Variants in FAM135A observed in about 807,000 individuals in gnomAD.
The protein encoded by FAM135A is family with sequence similarity 135 member A, also known as protein FAM135A.
In FAM135A, 79 loss-of-function variants were observed where a neutral mutation model predicts 146.8. The observed-to-expected ratio is 0.54, with a 90% CI of 0.45 to 0.65. FAM135A has a LOEUF of 0.65. Among genes scored for constraint, FAM135A ranks in the 30% least tolerant of loss-of-function variants. The pLI, the probability that FAM135A is intolerant of heterozygous loss-of-function variation, is 0.00. For missense variants in FAM135A, 1,623 were observed against 1,758.2 expected, an observed-to-expected ratio of 0.92 and a Z score of 1.38; for synonymous variants, 562 against 603.6, an observed-to-expected ratio of 0.93 and a Z score of 1.01.
At chr6:70,528,702 AT>A (rs11398068) in intron 16 of FAM135A, among the ~76,000 whole-genome samples, 1 of 150,250 alleles carries the variant, frequency 6.7e-6, no homozygotes. Flanking sequence ...TTAATTTGGG[AT>A]TTTTTTTTTC....
chr6:70,496,090 A>G (rs140631522), intron 11 of FAM135A, among the ~76,000 whole-genome samples: 217 of 152,312 alleles, frequency 1.4e-3, no homozygotes, highest in African/African-American at 4.8e-3. Flanking sequence ...TAGTGCTGCA[A>G]TAAACATACG....
At position 70,435,077 on chromosome 6, in the gene FAM135A, GTGTGTA is replaced by G. The variant is rs1490913583; in HGVS notation, c.77+6660_77+6665del. ...TATATATATACGTGTGTGTGTGTGT[GTGTGTA>G]TATATATATATATATATATATATAT... On this transcript the variant is annotated intron_variant, in intron 4 of 21. Transcript: ENST00000418814. Among the ~76,000 whole-genome samples the G allele has an allele frequency of 5.3e-3, 279 of 52,214 alleles. 2 individuals are homozygous for G. Among genetic ancestry groups the G allele is most frequent in the African/African-American group, 0.043 (263 of 6,186 alleles). 34.3% of individuals were successfully genotyped at this position (52,214 alleles called of 152,430 possible).
rs1030717335 is a variant in FAM135A at position 70,452,691 on chromosome 6, T to C, written c.157+120T>C. 1.9e-5 allele frequency: 12 copies of C among 619,638 alleles called. No homozygotes were observed. In the South Asian group the frequency reaches 3.3e-4, roughly 17 times the overall value. The allele number at this position is 619,638 out of a possible 1,614,324, so 38.4% of individuals were successfully genotyped here. On this transcript the variant is annotated intron_variant, in intron 5 of 21. Coordinates refer to ENST00000418814, the MANE Select transcript of FAM135A (RefSeq NM_001162529.3). ...TGGTATAACATCATTATGATAACCA[T>C]TGTAAGAAATATATTTGGGGACTCA...
chr6:70,479,688 TTGG>T (rs1404736511), intron 8 of FAM135A, among the ~76,000 whole-genome samples: 3 of 152,192 alleles, frequency 2.0e-5, no homozygotes, highest in South Asian at 4.1e-4. Context: ...AGTTTTATTA[TTGG>T]TGGGTTTTTT....
intron 11 of FAM135A, among the ~76,000 whole-genome samples, chr6:70,493,228 A>G (rs1162530992): frequency 6.6e-6 from 1 of 152,110 alleles, no homozygotes; most frequent in East Asian, 1.9e-4. Flanking sequence ...ATGATTTCAT[A>G]TAGTATGTTA....
At chr6:70,464,890 G>A (rs112406225) in intron 5 of FAM135A, among the ~76,000 whole-genome samples, 5,064 of 135,220 alleles carry the variant, frequency 0.037, 216 homozygotes, top group African/African-American at 0.091. Flanking sequence ...CACCATGTTG[G>A]CCAGGCTGGT....
intron 12 of FAM135A, among the ~76,000 whole-genome samples, chr6:70,519,048 G>GA (rs996653350): frequency 6.6e-6 from 1 of 152,174 alleles, no homozygotes; most frequent in Non-Finnish European, 1.5e-5. Context: ...AAACTTTTGG[G>GA]AAAAAATCAC....
intron 4 of FAM135A, among the ~76,000 whole-genome samples, chr6:70,433,037 T>C (rs1168828653): frequency 6.6e-6 from 1 of 151,976 alleles, no homozygotes; most frequent in African/African-American, 2.4e-5. Context: ...CACCCTGTTA[T>C]GCTAGGATGT....
At chr6:70,492,748 C>G (rs1786306554) in intron 11 of FAM135A, among the ~76,000 whole-genome samples, 1 of 150,640 alleles carries the variant, frequency 6.6e-6, no homozygotes. Flanking sequence ...CTCATTCTTA[C>G]TGGAAACCAG....
chr6:70,520,723 A>AT (rs538574385), intron 12 of FAM135A, among the ~76,000 whole-genome samples: 1 of 152,142 alleles, frequency 6.6e-6, no homozygotes, highest in Non-Finnish European at 1.5e-5. Context: ...TAAATTAAAA[A>AT]TTTTTTTCTG....
At chr6:70,500,670 G>C (rs564951366) in intron 11 of FAM135A, among the ~76,000 whole-genome samples, 35 of 152,240 alleles carry the variant, frequency 2.3e-4, no homozygotes, top group African/African-American at 8.4e-4. Flanking sequence ...TTTTGTGTGG[G>C]GGTCCTTTTT....
chr6:70,470,080 T>G (rs188560047), intron 5 of FAM135A, among the ~76,000 whole-genome samples: 5 of 152,312 alleles, frequency 3.3e-5, no homozygotes, highest in Non-Finnish European at 7.4e-5. Context: ...TGTTAGATAC[T>G]GATTATAAGT....
At chr6:70,466,276 C>CT (rs1224580550) in intron 5 of FAM135A, among the ~76,000 whole-genome samples, 2 of 152,218 alleles carry the variant, frequency 1.3e-5, no homozygotes, top group African/African-American at 4.8e-5. Flanking sequence ...ATTACTAGTA[C>CT]TGTAAAATCC....
chr6:70,477,196 C>T lies in FAM135A; in HGVS notation c.406C>T (p.Arg136Ter). 6.2e-7 allele frequency: 1 copy of T among 1,613,382 alleles called. No homozygotes were observed. Among genetic ancestry groups the T allele is most frequent in the South Asian group, 1.1e-5 (1 of 91,022 alleles). ...GAATGCCTTGCAACTAATAAGTAGC[C>T]GAACATTGAAGCTGCACTTTAGCCC... ...DLNALQLISSRTLKLHFSPHR... is the reference protein window; with the variant it reads ...DLNALQLISS The change falls in exon 8 of 22, where the codon CGA becomes TGA. Residue 136 changes from arginine to a stop codon, truncating the protein, a stop_gained. Coordinates refer to ENST00000418814, the MANE Select transcript of FAM135A (RefSeq NM_001162529.3). LOFTEE classifies it high-confidence loss of function.
intron 1 of FAM135A, 65 bp downstream of exon 1, chr6:70,413,767 C>T: frequency 3.1e-6 from 3 of 978,682 alleles, no homozygotes; most frequent in African/African-American, 1.7e-5. Context: ...TCCCTCCGTC[C>T]CTCTTGCCCA....
At chr6:70,507,251 T>G (rs1283643172) in intron 12 of FAM135A, among the ~76,000 whole-genome samples, 3 of 152,128 alleles carry the variant, frequency 2.0e-5, no homozygotes, top group Non-Finnish European at 4.4e-5. Flanking sequence ...TCACAAAAAC[T>G]GTGGACATGG....
intron 16 of FAM135A, among the ~76,000 whole-genome samples, chr6:70,529,838 G>C (rs919611267): frequency 2.0e-5 from 3 of 151,992 alleles, no homozygotes; most frequent in African/African-American, 7.3e-5. Flanking sequence ...TGAGATGGGC[G>C]GATCACAAGG....
intron 4 of FAM135A, among the ~76,000 whole-genome samples, chr6:70,440,340 TA>T (rs1329313164): frequency 6.6e-6 from 1 of 152,194 alleles, no homozygotes; most frequent in Admixed American, 6.5e-5. Flanking sequence ...TAATTGATGG[TA>T]CCCATTGATG....
rs1782779169 is a variant in FAM135A, at chr6:70,477,166, G to T, written c.376G>T (p.Asp126Tyr). Reference sequence around the variant, plus strand: ...AAGTGTTCCTTTTTACAGGGCAGATGATCTGAATGCCTTGCAACTAATAAG... The same window carrying T: ...AAGTGTTCCTTTTTACAGGGCAGATTATCTGAATGCCTTGCAACTAATAAG... The part of the protein sequence containing the change: ...HFTDGDYSAD[D>Y]LNALQLISSR... Residue 126 changes from aspartate to tyrosine, a missense_variant, in exon 8 of 22, where the codon GAT (aspartate) becomes TAT (tyrosine). Physicochemically the swap from Asp to Tyr is radical, Grantham distance 160. Around this residue, in one of 7 missense-constraint regions of FAM135A, gnomAD observed 171 missense variants for 164.9 expected, o/e 1.04. Coordinates refer to ENST00000418814, the MANE Select transcript of FAM135A (RefSeq NM_001162529.3). The T allele has an allele frequency of 1.9e-6, 3 of 1,612,888 alleles. No individual in the cohort carries two copies. Among genetic ancestry groups the T allele is most frequent in the Non-Finnish European group, 2.5e-6 (3 of 1,179,344 alleles).
Sources: allele counts gnomAD v4.1 joint callset (sites outside exome capture counted in the v4.1 genomes callset), GRCh38; gene constraint gnomAD v4.1.1; regional missense constraint gnomAD v4.1.1; transcripts MANE v1.5; gene names NCBI Gene and HGNC (gene_info 2026-07-23, HGNC 2026-07-21).